The following TLN2 variants were observed in gnomAD, a reference collection of about 807,000 sequenced individuals.
TLN2 encodes talin 2.
A neutral mutation model predicts 294.7 loss-of-function variants in TLN2; 118 were observed. That is an observed-to-expected ratio of 0.40 (90% CI 0.34 to 0.47). The LOEUF (loss-of-function observed/expected upper bound fraction) is 0.47, where lower values mean the gene tolerates loss of function less well. TLN2 is among the 20% of genes least tolerant of loss of function. The pLI is 0.84. For synonymous variants in TLN2, 1,431 were observed against 1,304.5 expected (o/e 1.10, Z -2.09); for missense variants, 3,083 against 3,282.2 (o/e 0.94, Z 1.48).
chr15:62,575,358 A>G (rs1041346398), intron 1 of TLN2, among the ~76,000 whole-genome samples: 5 of 152,206 alleles, frequency 3.3e-5, no homozygotes, highest in Non-Finnish European at 5.9e-5. Flanking sequence ...TCAGGCTGAT[A>G]AACTTTTGCA....
At chr15:62,724,371 G>A (rs533789268) in intron 26 of TLN2, among the ~76,000 whole-genome samples, 3 of 152,194 alleles carry the variant, frequency 2.0e-5, no homozygotes, top group South Asian at 2.1e-4. Context: ...ATAATTACAC[G>A]TTTATATAAT....
chr15:62,461,752 G>A (rs1066679), intron 1 of TLN2, among the ~76,000 whole-genome samples: 146,015 of 152,252 alleles, frequency 0.96, 70,300 homozygotes, highest in Non-Finnish European at 1. Context: ...CAACAGGTAA[G>A]AGGCGCCTAC....
At chr15:62,806,413 G>C (rs1051142785) in intron 51 of TLN2, among the ~76,000 whole-genome samples, 2 of 152,292 alleles carry the variant, frequency 1.3e-5, no homozygotes, top group African/African-American at 4.8e-5. Flanking sequence ...CTTGGTTCCA[G>C]CTCCTCCAAA....
At position 62,647,499 on chromosome 15, in the gene TLN2, C is replaced by CT. The variant is rs1213402357; in HGVS notation, c.136+59dup. 3.7e-6 allele frequency: 6 copies of CT among 1,610,424 alleles called. No individual in the cohort carries two copies. The East Asian group carries it at 8.9e-5, about 24-fold the overall frequency. On this transcript the variant is annotated intron_variant, in intron 4 of 58. Transcript: ENST00000636159. The stretch of plus-strand genomic sequence containing the variant: ...TTAAAACGTGTTTGCATGTTTTTCA[C>CT]TTTTTTGCTAAAGAGACAGAGGCTC...
At position 62,736,879 on chromosome 15, in the gene TLN2, G is replaced by T. The variant is rs754533534; in HGVS notation, c.3360G>T (p.Gly1120=). 1 of 1,613,078 alleles carries T rather than the reference G, an allele frequency of 6.2e-7. No individual in the cohort carries two copies. Among genetic ancestry groups the T allele is most frequent in the Non-Finnish European group, 8.5e-7 (1 of 1,179,340 alleles). Residue 1120 remains glycine, a splice_region_variant and synonymous_variant, in exon 29 of 59, where the codon GGG becomes GGT. Transcript: ENST00000636159. ...AATCTGATGGACTTTTTCCCCCAGG[G>T]GTGGCTGCTAGAGAGACGGCCCAAG... ...CAAQGNEHYT[G]VAARETAQAL... is the part of the protein sequence containing the mutation.
rs1425725432 is a variant in TLN2, at chr15:62,805,750, C to T, written c.6628C>T (p.Arg2210Trp). ...EDVIATANLSRKAVSDMLTAC... is the reference protein window; with the variant it reads ...EDVIATANLSWKAVSDMLTAC... Reference sequence around the variant, plus strand: ...CGTGATTGCTACTGCCAACCTGAGCCGGAAAGCCGTGTCAGATATGTTGAC... The same window carrying T: ...CGTGATTGCTACTGCCAACCTGAGCTGGAAAGCCGTGTCAGATATGTTGAC... The change falls in exon 51 of 59, where the codon CGG becomes TGG. Residue 2210 changes from arginine (R) to tryptophan (W), a missense_variant. By Grantham distance (101) the Arg-to-Trp change is moderately radical. Transcript: ENST00000636159. 3.1e-6 allele frequency: 5 copies of T among 1,613,878 alleles called. No homozygotes were observed. Among genetic ancestry groups the T allele is most frequent in the Non-Finnish European group, 4.2e-6 (5 of 1,179,888 alleles).
Position 62,736,975 on chromosome 15 carries a change from C to T in TLN2, c.3456C>T (p.Ala1152=), listed in dbSNP as rs762646877. The T allele has an allele frequency of 1.2e-6, 2 of 1,614,232 alleles. No homozygotes were observed. Among genetic ancestry groups the T allele is most frequent in the Non-Finnish European group, 8.5e-7 (1 of 1,180,050 alleles). ...ASTTDPAAAH[A]MLDSARDVME... is the part of the protein sequence containing the mutation. ...CAACCGACCCCGCGGCCGCCCATGC[C>T]ATGTTAGATTCTGCTCGAGACGTGA... Residue 1152 remains alanine, a synonymous_variant, in exon 29 of 59, where the codon GCC becomes GCT. Coordinates refer to ENST00000636159, the MANE Select transcript of TLN2 (RefSeq NM_015059.3).
In TLN2 at chr15:62,551,513, T is replaced by TACACACACACACACACACACAC. The variant is rs56986714; in HGVS notation, c.-237-38160_-237-38139dup. Among the ~76,000 whole-genome samples the TACACACACACACACACACACAC allele has an allele frequency of 1.2e-4, 17 of 147,088 alleles. 1 individual carries two copies. Among genetic ancestry groups the TACACACACACACACACACACAC allele is most frequent in the African/African-American group, 3.8e-4 (15 of 39,788 alleles). Reference sequence around the variant, plus strand: ...AGTGAAAGCCAATCTCTACTAAAAATACACACACACACACACACACACACA... The same window carrying TACACACACACACACACACACAC: ...AGTGAAAGCCAATCTCTACTAAAAATACACACACACACACACACACACACACACACACACACACACACACACA... On this transcript the variant is annotated intron_variant, in intron 1 of 58. Transcript: ENST00000636159.
intron 1 of TLN2, among the ~76,000 whole-genome samples, chr15:62,505,101 C>T (rs906945155): frequency 5.3e-5 from 8 of 151,894 alleles, no homozygotes; most frequent in African/African-American, 1.5e-4. Flanking sequence ...GGATTACAGG[C>T]GCCTGCCACT....
chr15:62,675,524 A>G (rs563119180), intron 11 of TLN2, among the ~76,000 whole-genome samples: 14 of 152,336 alleles, frequency 9.2e-5, no homozygotes, highest in African/African-American at 2.6e-4. Context: ...GCTGCTGTCC[A>G]GGAGCCCCTG....
At chr15:62,795,431 T>C (rs549578339) in intron 46 of TLN2, among the ~76,000 whole-genome samples, 2 of 152,094 alleles carry the variant, frequency 1.3e-5, no homozygotes, top group East Asian at 3.9e-4. Context: ...GCAGTGAGGG[T>C]GTACGTGATG....
intron 13 of TLN2, 106 bp downstream of exon 13, chr15:62,693,047 A>C: frequency 1.1e-6 from 1 of 938,806 alleles, no homozygotes; most frequent in Non-Finnish European, 1.6e-6. Context: ...ATAATACTTG[A>C]GGCCAGGCAT....
chr15:62,466,208 A>T (rs746594594), intron 1 of TLN2, among the ~76,000 whole-genome samples: 1 of 151,954 alleles, frequency 6.6e-6, no homozygotes, highest in Non-Finnish European at 1.5e-5. Flanking sequence ...AAACAGGCCA[A>T]CCTCTCTGTT....
intron 7 of TLN2, 134 bp downstream of exon 7, chr15:62,653,448 G>A: frequency 9.0e-7 from 1 of 1,116,386 alleles, no homozygotes; most frequent in Non-Finnish European, 1.2e-6. Flanking sequence ...AAAGTAGGCT[G>A]GGCTCAGTGG....
At position 62,463,849 on chromosome 15, in the gene TLN2, T is replaced by G. The variant is rs192901931; in HGVS notation, c.-238+73164T>G. Among the ~76,000 whole-genome samples the G allele has an allele frequency of 2.6e-3, 393 of 152,290 alleles. 5 individuals are homozygous for G. The highest frequency in any genetic ancestry group is 9.0e-3 in the African/African-American group (375 of 41,540). On this transcript the variant is annotated intron_variant, in intron 1 of 58. Coordinates refer to ENST00000636159, the MANE Select transcript of TLN2 (RefSeq NM_015059.3). The stretch of plus-strand genomic sequence containing the variant: ...ATGCAGTGAGCTGAGATCGCGCCAC[T>G]GCACTCCAGCCTGGGCAACAGAGCG...
chr15:62,770,930 A>G (rs754183896), intron 41 of TLN2, 34 bp from the exon 42 acceptor site: 2 of 1,584,636 alleles, frequency 1.3e-6, no homozygotes, highest in Non-Finnish European at 1.7e-6. Context: ...TATTTACATG[A>G]TACATCTCTG....
At chr15:62,722,594 T>A in intron 26 of TLN2, 107 bp downstream of exon 26, 2 of 1,347,110 alleles carry the variant, frequency 1.5e-6, no homozygotes, top group Non-Finnish European at 1.9e-6. Context: ...GGCAAAGTTG[T>A]CCATTCTACT....
intron 40 of TLN2, among the ~76,000 whole-genome samples, chr15:62,765,395 G>A (rs1180836759): frequency 3.3e-5 from 5 of 150,966 alleles, no homozygotes; most frequent in African/African-American, 4.9e-5. Context: ...CACTCTGCCC[G>A]CATCCCTCCC....
intron 1 of TLN2, among the ~76,000 whole-genome samples, chr15:62,575,268 C>T (rs940667678): frequency 3.9e-5 from 6 of 152,032 alleles, no homozygotes; most frequent in Admixed American, 2.0e-4. Context: ...TGTAGTGAGC[C>T]GAGATTGTGC....
Sources: allele counts gnomAD v4.1 joint callset (sites outside exome capture counted in the v4.1 genomes callset), GRCh38; gene constraint gnomAD v4.1.1; transcripts MANE v1.5; gene names NCBI Gene and HGNC (gene_info 2026-07-23, HGNC 2026-07-21).